The following CDK13 variants were observed in gnomAD, a reference collection of about 807,000 sequenced individuals.
The protein encoded by CDK13 is cyclin-dependent kinase 13.
In CDK13, 40 loss-of-function variants were observed where a neutral mutation model predicts 137.6. The ratio of observed to expected loss-of-function variants is 0.29; its 90% CI spans 0.23 to 0.38. The LOEUF (loss-of-function observed/expected upper bound fraction) is 0.38. CDK13 is among the 10% of genes least tolerant of loss of function. CDK13 has a pLI of 1.00. For missense variants in CDK13, 1,704 were observed against 1,951.8 expected (o/e 0.87, Z 2.39); for synonymous variants, 869 against 760.1 (o/e 1.14, Z -2.36).
intron 5 of CDK13, among the ~76,000 whole-genome samples, chr7:40,038,568 T>G (rs927316722): frequency 6.6e-6 from 1 of 152,198 alleles, no homozygotes; most frequent in Non-Finnish European, 1.5e-5. Context: ...AGAGGGCTTT[T>G]TTTTGTGTTA....
chr7:40,051,810 A>G (rs1466102973), intron 7 of CDK13, among the ~76,000 whole-genome samples: 1 of 152,216 alleles, frequency 6.6e-6, no homozygotes, highest in Non-Finnish European at 1.5e-5. Flanking sequence ...AAAGAGAACC[A>G]CTGGATTAAA....
intron 2 of CDK13, among the ~76,000 whole-genome samples, chr7:39,991,035 T>C (rs1004811653): frequency 4.6e-5 from 7 of 152,346 alleles, no homozygotes; most frequent in South Asian, 2.1e-4. Context: ...TTGAAAAGGA[T>C]TGGTTTTTGT....
intron 1 of CDK13, among the ~76,000 whole-genome samples, chr7:39,961,010 T>G (rs1787601256): frequency 6.6e-6 from 1 of 151,588 alleles, no homozygotes; most frequent in Non-Finnish European, 1.5e-5. Context: ...AAAACATTTT[T>G]AAAATAATTT....
At chr7:40,002,122 T>A in intron 5 of CDK13, 91 bp downstream of exon 5, 2 of 796,128 alleles carry the variant, frequency 2.5e-6, no homozygotes, top group Non-Finnish European at 2.0e-6. Context: ...ACTATTTGAG[T>A]AATTACAAAC....
At chr7:40,004,375 A>T (rs1784754986) in intron 5 of CDK13, among the ~76,000 whole-genome samples, 1 of 152,192 alleles carries the variant, frequency 6.6e-6, no homozygotes, top group Non-Finnish European at 1.5e-5. Flanking sequence ...TCCTGTTTGT[A>T]ATTCTATGCA....
intron 1 of CDK13, among the ~76,000 whole-genome samples, chr7:39,954,105 T>C (rs1787329541): frequency 2.0e-5 from 3 of 152,212 alleles, no homozygotes. Flanking sequence ...TTTAACCCTT[T>C]GGAATGGTAC....
intron 2 of CDK13, among the ~76,000 whole-genome samples, chr7:39,991,968 C>T (rs1451384742): frequency 1.3e-5 from 2 of 152,062 alleles, no homozygotes; most frequent in African/African-American, 2.4e-5. Context: ...GGGAGCATCA[C>T]CTGAGCCCAA....
intron 1 of CDK13, among the ~76,000 whole-genome samples, chr7:39,958,972 G>GT (rs1404652480): frequency 6.6e-6 from 1 of 152,010 alleles, no homozygotes; most frequent in African/African-American, 2.4e-5. Flanking sequence ...TGTATTTTTA[G>GT]TAGAGATGGG....
chr7:39,976,508 C>G (rs1254093503), intron 1 of CDK13, among the ~76,000 whole-genome samples: 1 of 151,918 alleles, frequency 6.6e-6, no homozygotes, highest in East Asian at 1.9e-4. Context: ...AGGAGCAAAT[C>G]AAATGAAAAA....
At chr7:40,033,164 C>T (rs1785414876) in intron 5 of CDK13, among the ~76,000 whole-genome samples, 1 of 152,132 alleles carries the variant, frequency 6.6e-6, no homozygotes, top group South Asian at 2.1e-4. Context: ...CCATGTTGGC[C>T]TGGCTGATCT....
rs369341988 is a variant in CDK13, at chr7:40,040,844, CATTG to C, written c.2354-4990_2354-4987del. Among the ~76,000 whole-genome samples, 1,023 of 152,008 alleles carry C rather than the reference CATTG, an allele frequency of 6.7e-3. 12 individuals carry two copies. Among genetic ancestry groups the C allele is most frequent in the African/African-American group, 0.023 (953 of 41,474 alleles). On this transcript the variant is annotated intron_variant, in intron 5 of 13. Transcript: ENST00000181839. ...TTAACTGTAATAATTTTTTTGTTGT[CATTG>C]AGTGTTTATGGCTCTCCGGAGGCCA... is the stretch of plus-strand genomic sequence containing the variant.
intron 1 of CDK13, among the ~76,000 whole-genome samples, chr7:39,953,167 C>T (rs7798117): frequency 0.032 from 4,919 of 152,228 alleles, 268 homozygotes; most frequent in African/African-American, 0.11. Flanking sequence ...GAGATCTGAG[C>T]GTGAGTTTGT....
intron 1 of CDK13, among the ~76,000 whole-genome samples, chr7:39,973,258 TCC>T: frequency 6.6e-6 from 1 of 152,174 alleles, no homozygotes; most frequent in East Asian, 1.9e-4. Context: ...TATCTTAGCC[TCC>T]TGAGCAGCTG....
rs369959620 is a variant in CDK13, at chr7:40,094,541, G to A, written c.4100G>A (p.Ser1367Asn). The stretch of plus-strand genomic sequence containing the variant: ...TCTGCTCCACCACTAGAACGACGTA[G>A]TTTCATTGGAAATTCAGATATTCAG... ...SSSAPPLERR[S>N]FIGNSDIQSL... Residue 1367 changes from serine to asparagine, a missense_variant, in exon 14 of 14, where the codon AGT (serine) becomes AAT (asparagine). Ser to Asn is a conservative substitution (Grantham distance 46). Transcript: ENST00000181839. 1 of 1,611,656 alleles carries A rather than the reference G, an allele frequency of 6.2e-7. No individual in the cohort carries two copies. The highest frequency in any genetic ancestry group is 1.3e-5 in the African/African-American group (1 of 74,840).
intron 6 of CDK13, among the ~76,000 whole-genome samples, chr7:40,046,276 A>G (rs560852292): frequency 2.4e-4 from 36 of 152,226 alleles, no homozygotes; most frequent in Non-Finnish European, 4.9e-4. Flanking sequence ...AAATAAAGAT[A>G]CGGTGTTACA....
rs1437286083 is a variant in CDK13, at chr7:39,951,189, C to T, written c.548C>T (p.Ser183Phe). The change falls in exon 1 of 14, where the codon TCC becomes TTC. Residue 183 changes from serine to phenylalanine, a missense_variant. Physicochemically the swap from Ser to Phe is radical, Grantham distance 155. Transcript: ENST00000181839. Reference protein sequence around the residue: ...GTGGSGGSPASSSGTQRRGEG... With the variant: ...GTGGSGGSPAFSSGTQRRGEG... ...GGGGGCAGCGGCGGGAGTCCGGCCT[C>T]CTCCTCCGGCACCCAGCGGCGCGGG... 4 of 1,247,356 alleles carry T rather than the reference C, an allele frequency of 3.2e-6. No homozygotes were observed. Among genetic ancestry groups the T allele is most frequent in the Non-Finnish European group, 4.0e-6 (4 of 998,040 alleles). The allele number at this position is 1,247,356 out of a possible 1,614,324, so 77.3% of individuals were successfully genotyped here.
rs371702407 is a variant in CDK13, at chr7:40,020,811, G to A, written c.2353+18780G>A. 7.6e-4 allele frequency among the ~76,000 whole-genome samples: 115 copies of A among 152,314 alleles called. 1 individual carries two copies. In the South Asian group the frequency reaches 0.022, roughly 30 times the overall value. On this transcript the variant is annotated intron_variant, in intron 5 of 13. Coordinates refer to ENST00000181839, the MANE Select transcript of CDK13 (RefSeq NM_003718.5). Reference sequence around the variant, plus strand: ...TTGCTTTAAATATATTAAAAAGTAGGGGTGGGCACGGTGGCTCACGCCCAT... The same window carrying A: ...TTGCTTTAAATATATTAAAAAGTAGAGGTGGGCACGGTGGCTCACGCCCAT...
At chr7:40,030,261 G>A (rs1785344130) in intron 5 of CDK13, among the ~76,000 whole-genome samples, 2 of 143,320 alleles carry the variant, frequency 1.4e-5, no homozygotes, top group Non-Finnish European at 3.0e-5. Flanking sequence ...ATGTGTGTGT[G>A]TATATATATA....
At chr7:40,020,311 T>C (rs1234602344) in intron 5 of CDK13, among the ~76,000 whole-genome samples, 2 of 152,100 alleles carry the variant, frequency 1.3e-5, no homozygotes, top group Non-Finnish European at 2.9e-5. Context: ...CAAACAATCC[T>C]CCCACCTCCT....
Sources: gnomAD v4.1 joint callset for allele counts (sites outside exome capture counted in the v4.1 genomes callset) on GRCh38, gnomAD v4.1.1 for gene constraint, MANE v1.5 for transcripts, NCBI Gene and HGNC (gene_info 2026-07-23, HGNC 2026-07-21) for gene names.